Variants in TBX5 observed in about 807,000 individuals in gnomAD.
The protein encoded by TBX5 is T-box transcription factor 5, also known as T-box transcription factor TBX5.
Under a neutral mutation model 51.1 loss-of-function variants are expected in TBX5, and 8 were observed. That is an observed-to-expected ratio of 0.16 (90% CI 0.09 to 0.28). TBX5 has a LOEUF of 0.28. Ranked by LOEUF, TBX5 falls within the 10% of genes least tolerant of loss-of-function variation. TBX5 has a pLI of 1.00. For synonymous variants in TBX5, 302 were observed against 266.4 expected (o/e 1.13, Z -1.30); for missense variants, 589 against 671.7 (o/e 0.88, Z 1.36).
intron 8 of TBX5, among the ~76,000 whole-genome samples, chr12:114,358,171 C>T (rs1433182393): frequency 6.6e-6 from 1 of 152,154 alleles, no homozygotes; most frequent in African/African-American, 2.4e-5. Context: ...ATTTCTAATA[C>T]CCAGTGCCAC....
At position 114,366,179 on chromosome 12, in the gene TBX5, C is replaced by T. The variant is rs1298950685; in HGVS notation, c.968G>A (p.Cys323Tyr). 2 of 1,614,094 alleles carry T rather than the reference C, an allele frequency of 1.2e-6. No homozygotes were observed. The highest frequency in any genetic ancestry group is 2.7e-5 in the African/African-American group (2 of 75,002). Reference sequence around the variant, plus strand: ...ATCACACTCACCTTTCCTCTTGGTACAATGGTAAATTTGGCTATGCTCCTG... The same window carrying T: ...ATCACACTCACCTTTCCTCTTGGTATAATGGTAAATTTGGCTATGCTCCTG... ...LPQEHSQIYH[C>Y]TKRKEEECST... is the part of the protein sequence containing the mutation. The change falls in exon 8 of 9, where the codon TGT becomes TAT. Residue 323 changes from cysteine (C) to tyrosine (Y), a missense_variant. This residue lies in a region of TBX5 where 348 missense variants were observed against 360.4 expected (regional missense o/e 0.97). Transcript: ENST00000405440.
At chr12:114,372,654 C>T (rs1287566295) in intron 7 of TBX5, among the ~76,000 whole-genome samples, 1 of 152,016 alleles carries the variant, frequency 6.6e-6, no homozygotes, top group African/African-American at 2.4e-5. Flanking sequence ...TTGAGGGGTG[C>T]CAAGAAACTC....
intron 6 of TBX5, among the ~76,000 whole-genome samples, chr12:114,389,210 G>A (rs1331439755): frequency 6.6e-6 from 1 of 152,012 alleles, no homozygotes; most frequent in Non-Finnish European, 1.5e-5. Flanking sequence ...TTACAGGCAT[G>A]AGCCACCACG....
intron 6 of TBX5, among the ~76,000 whole-genome samples, chr12:114,393,535 C>T (rs1388913087): frequency 6.6e-6 from 1 of 152,148 alleles, no homozygotes; most frequent in Non-Finnish European, 1.5e-5. Flanking sequence ...CACATGCACT[C>T]GGGTATCTAA....
At chr12:114,405,019 A>G (rs929573087) in intron 1 of TBX5, among the ~76,000 whole-genome samples, 2 of 152,132 alleles carry the variant, frequency 1.3e-5, no homozygotes, top group African/African-American at 4.8e-5. Flanking sequence ...TCTCCTTCCA[A>G]TCTCTTCTAT....
intron 8 of TBX5, among the ~76,000 whole-genome samples, chr12:114,357,399 C>A (rs1201890427): frequency 6.6e-6 from 1 of 152,154 alleles, no homozygotes. Context: ...CAAAGACTCC[C>A]TAAAACCCAG....
intron 8 of TBX5, among the ~76,000 whole-genome samples, chr12:114,359,723 G>T (rs973190610): frequency 6.6e-6 from 1 of 152,204 alleles, no homozygotes; most frequent in African/African-American, 2.4e-5. Context: ...AAGGCACAGA[G>T]TTACAGCTCC....
chr12:114,405,774 AG>A lies in TBX5; in HGVS notation c.-186del. On this transcript the variant is annotated 5_prime_UTR_variant, in exon 1 of 9. Transcript: ENST00000405440. ...AGAATAGCGGCTACTGCTGCCTACT[AG>A]GGCGCACCTACCGCTGGAGCCTCCG... 5 of 985,564 alleles carry A rather than the reference AG, an allele frequency of 5.1e-6. No individual in the cohort carries two copies. The highest frequency in any genetic ancestry group is 6.0e-6 in the Non-Finnish European group (5 of 830,058). The allele number at this position is 985,564 out of a possible 1,614,324, so 61.1% of individuals were successfully genotyped here. A position where few individuals can be genotyped will look rare whatever the true frequency, so the allele number is the denominator to read the frequency against.
chr12:114,366,852 T>G (rs369966595), intron 7 of TBX5, among the ~76,000 whole-genome samples: 5 of 152,310 alleles, frequency 3.3e-5, no homozygotes, highest in African/African-American at 1.2e-4. Flanking sequence ...AACTGGTAGC[T>G]GACAACCTAG....
intron 7 of TBX5, among the ~76,000 whole-genome samples, chr12:114,380,385 G>C (rs897503309): frequency 6.6e-6 from 1 of 152,114 alleles, no homozygotes; most frequent in Non-Finnish European, 1.5e-5. Flanking sequence ...ATATTATCTT[G>C]ACAATGTTCC....
At chr12:114,360,120 C>A (rs905270470) in intron 8 of TBX5, among the ~76,000 whole-genome samples, 27 of 152,140 alleles carry the variant, frequency 1.8e-4, no homozygotes, top group African/African-American at 6.5e-4. Context: ...GATGAAGAAC[C>A]ATTGGCGAGT....
chr12:114,373,870 A>T (rs1312731094), intron 7 of TBX5, among the ~76,000 whole-genome samples: 1 of 152,256 alleles, frequency 6.6e-6, no homozygotes, highest in Non-Finnish European at 1.5e-5. Flanking sequence ...AACCAGCTTA[A>T]CTATGACTTA....
chr12:114,398,566 T>C lies in TBX5; in HGVS notation c.510+7A>G, dbSNP rs1255016930. 1 of 1,612,206 alleles carries C rather than the reference T, an allele frequency of 6.2e-7. No homozygotes were observed. Among genetic ancestry groups the C allele is most frequent in the Admixed American group, 1.7e-5 (1 of 59,796 alleles). On this transcript the variant is annotated splice_region_variant and intron_variant, in intron 5 of 8. Transcript: ENST00000405440. Reference sequence around the variant, plus strand: ...ACAAGGCGGGGAATCCAGGCCACGGTACTCACATGCCCAAATGGGTCCAGG... The same window carrying C: ...ACAAGGCGGGGAATCCAGGCCACGGCACTCACATGCCCAAATGGGTCCAGG...
At position 114,377,384 on chromosome 12, in the gene TBX5, C is replaced by G. The variant is rs546837273; in HGVS notation, c.755+8092G>C. 3.3e-5 allele frequency among the ~76,000 whole-genome samples: 5 copies of G among 152,094 alleles called. No individual in the cohort carries two copies. In the South Asian group the frequency reaches 1.0e-3, roughly 32 times the overall value. On this transcript the variant is annotated intron_variant, in intron 7 of 8. Coordinates refer to ENST00000405440, the MANE Select transcript of TBX5 (RefSeq NM_181486.4). ...TTTAGGAGACCTAGGCCTTATACAT[C>G]CCTTGAAATTGAATTTTTTTAATTG...
rs73201491 is a variant in TBX5 at position 114,356,398 on chromosome 12, T to C, written c.983-292A>G. Among the ~76,000 whole-genome samples, 28,620 of 151,828 alleles carry C rather than the reference T, an allele frequency of 0.19. 3,512 individuals are homozygous for C. Among genetic ancestry groups the C allele is most frequent in the Non-Finnish European group, 0.27 (18,358 of 67,926 alleles). ...CAGTGTTGAGAATTAAATGGGAAAA[T>C]ACATGAAGCACTTAGTCCAGAGCCC... On this transcript the variant is annotated intron_variant, in intron 8 of 8. Transcript: ENST00000405440.
At chr12:114,373,318 C>A (rs79207002) in intron 7 of TBX5, among the ~76,000 whole-genome samples, 1 of 152,124 alleles carries the variant, frequency 6.6e-6, no homozygotes, top group Non-Finnish European at 1.5e-5. Flanking sequence ...GTTTGCATAA[C>A]GGAGAACAAG....
At chr12:114,372,221 C>G (rs1869950021) in intron 7 of TBX5, among the ~76,000 whole-genome samples, 1 of 152,094 alleles carries the variant, frequency 6.6e-6, no homozygotes, top group Non-Finnish European at 1.5e-5. Flanking sequence ...TAAAAGCTAC[C>G]CTTGTACTCT....
intron 7 of TBX5, among the ~76,000 whole-genome samples, chr12:114,380,745 C>T (rs1267730271): frequency 2.6e-5 from 4 of 152,076 alleles, no homozygotes; most frequent in Non-Finnish European, 5.9e-5. Flanking sequence ...AGGAGGATTG[C>T]TGGAGCTCAG....
In TBX5 at chr12:114,354,404, C is replaced by T. The variant is rs1468330616; in HGVS notation, c.*1128G>A. ...TACACACTTTTTTTAATACTGTTTT[C>T]GGCTTTCAGTAAACACAGTTTTGTG... is the stretch of plus-strand genomic sequence containing the variant. On this transcript the variant is annotated 3_prime_UTR_variant, in exon 9 of 9. Coordinates refer to ENST00000405440, the MANE Select transcript of TBX5 (RefSeq NM_181486.4). 2.6e-5 allele frequency: 4 copies of T among 151,964 alleles called. No homozygotes were observed. The highest frequency in any genetic ancestry group is 2.0e-4 in the Admixed American group (3 of 15,238). The allele number at this position is 151,964 out of a possible 1,614,324, so 9.4% of individuals were successfully genotyped here. A position where few individuals can be genotyped will look rare whatever the true frequency, so the allele number is the denominator to read the frequency against.
Sources: gnomAD v4.1 joint callset for allele counts (sites outside exome capture counted in the v4.1 genomes callset) on GRCh38, gnomAD v4.1.1 for gene constraint, gnomAD v4.1.1 regional missense constraint, MANE v1.5 for transcripts, NCBI Gene and HGNC (gene_info 2026-07-23, HGNC 2026-07-21) for gene names.